Variants in INVS observed in about 807,000 individuals in gnomAD.
The protein encoded by INVS is inversin.
Under a neutral mutation model 108.8 loss-of-function variants are expected in INVS, and 86 were observed. The ratio of observed to expected loss-of-function variants is 0.79; its 90% CI spans 0.66 to 0.95. INVS has a LOEUF of 0.95. Ranked by LOEUF, INVS falls within the 40% of genes least tolerant of loss-of-function variation. The pLI is 0.00. For missense variants in INVS, 1,169 were observed against 1,297.4 expected, an observed-to-expected ratio of 0.90 and a Z score of 1.52; for synonymous variants, 455 against 473.5, an observed-to-expected ratio of 0.96 and a Z score of 0.51.
Position 100,252,453 on chromosome 9 carries a change from G to A in INVS, c.1234+15G>A. 6.2e-7 allele frequency: 1 copy of A among 1,611,100 alleles called. No homozygotes were observed. Among genetic ancestry groups the A allele is most frequent in the Non-Finnish European group, 8.5e-7 (1 of 1,177,376 alleles). ...ACTCATTAAAGGTGGGCTAATAAGAGTACTCCTAATAAGTCTCTCTTAACA... is the reference window on the plus strand; with the variant it reads ...ACTCATTAAAGGTGGGCTAATAAGAATACTCCTAATAAGTCTCTCTTAACA... On this transcript the variant is annotated intron_variant, in intron 9 of 16. Coordinates refer to ENST00000262457, the MANE Select transcript of INVS (RefSeq NM_014425.5).
chr9:100,169,298 A>T (rs1167861506), intron 3 of INVS, among the ~76,000 whole-genome samples: 1 of 152,168 alleles, frequency 6.6e-6, no homozygotes, highest in East Asian at 1.9e-4. Flanking sequence ...ATCATGTCCA[A>T]CTCAGTCCCA....
intron 4 of INVS, among the ~76,000 whole-genome samples, 153 bp from the exon 5 acceptor site, chr9:100,229,507 G>A (rs1588106111): frequency 6.6e-6 from 1 of 152,104 alleles, no homozygotes; most frequent in Non-Finnish European, 1.5e-5. Flanking sequence ...TTAGACTTCG[G>A]TTGAACACAG....
At chr9:100,133,764 TACACACACACACACAC>T (rs147744972) in intron 3 of INVS, among the ~76,000 whole-genome samples, 2 of 123,828 alleles carry the variant, frequency 1.6e-5, no homozygotes, top group East Asian at 3.3e-4. Context: ...CTGCCAAAGC[TACACACACACACACAC>T]ACACACACAC....
chr9:100,210,974 G>A (rs1483937941), intron 3 of INVS, among the ~76,000 whole-genome samples: 1 of 151,912 alleles, frequency 6.6e-6, no homozygotes, highest in East Asian at 1.9e-4. Context: ...GGTTCTCAAA[G>A]TTTAGGATTC....
intron 8 of INVS, among the ~76,000 whole-genome samples, chr9:100,251,167 T>C (rs1832222394): frequency 6.6e-6 from 1 of 151,026 alleles, no homozygotes; most frequent in African/African-American, 2.4e-5. Context: ...TGTTTTTGTT[T>C]TGTTTTGTTT....
intron 3 of INVS, among the ~76,000 whole-genome samples, chr9:100,154,799 C>T (rs571323003): frequency 6.6e-6 from 1 of 151,872 alleles, no homozygotes; most frequent in African/African-American, 2.4e-5. Context: ...AGACTCTTAC[C>T]TAAAGGGAGA....
At chr9:100,243,191 TG>T (rs1831934330) in intron 7 of INVS, among the ~76,000 whole-genome samples, 1 of 152,214 alleles carries the variant, frequency 6.6e-6, no homozygotes, top group African/African-American at 2.4e-5. Flanking sequence ...CACGTGTAAT[TG>T]TCCTTAAAGC....
chr9:100,124,243 A>G (rs1031522751), intron 2 of INVS, among the ~76,000 whole-genome samples: 1 of 151,298 alleles, frequency 6.6e-6, no homozygotes, highest in African/African-American at 2.4e-5. Flanking sequence ...TAGAATATGT[A>G]TACTTATTTT....
At chr9:100,257,167 C>A (rs1289273036) in intron 10 of INVS, among the ~76,000 whole-genome samples, 1 of 152,104 alleles carries the variant, frequency 6.6e-6, no homozygotes, top group Non-Finnish European at 1.5e-5. Context: ...TATATAATGG[C>A]CTTCTTTGTC....
intron 9 of INVS, among the ~76,000 whole-genome samples, 155 bp downstream of exon 9, chr9:100,252,593 C>T (rs1282097007): frequency 6.6e-6 from 1 of 152,200 alleles, no homozygotes; most frequent in Admixed American, 6.5e-5. Flanking sequence ...TCAAGTTCTA[C>T]TCCTAGCTCC....
At chr9:100,296,631 C>T (rs563138858) in intron 14 of INVS, among the ~76,000 whole-genome samples, 1 of 152,200 alleles carries the variant, frequency 6.6e-6, no homozygotes, top group Non-Finnish European at 1.5e-5. Context: ...TGCTCTTGCA[C>T]AGTACTCTCA....
At chr9:100,179,849 A>T (rs1292400686) in intron 3 of INVS, among the ~76,000 whole-genome samples, 1 of 152,232 alleles carries the variant, frequency 6.6e-6, no homozygotes, top group Non-Finnish European at 1.5e-5. Context: ...CATTCTTCTC[A>T]GTACCACATT....
chr9:100,148,516 A>C (rs960670852), intron 3 of INVS, among the ~76,000 whole-genome samples: 1 of 152,202 alleles, frequency 6.6e-6, no homozygotes, highest in South Asian at 2.1e-4. Flanking sequence ...TTTACAAAGG[A>C]TATAATGCCA....
intron 2 of INVS, among the ~76,000 whole-genome samples, chr9:100,110,400 C>A (rs1827306111): frequency 6.6e-6 from 1 of 152,158 alleles, no homozygotes; most frequent in Admixed American, 6.5e-5. Flanking sequence ...AGAGTCCATT[C>A]TTTTAACTGC....
chr9:100,170,301 A>G (rs949285139), intron 3 of INVS, among the ~76,000 whole-genome samples: 2 of 151,954 alleles, frequency 1.3e-5, no homozygotes, highest in Non-Finnish European at 2.9e-5. Context: ...TCACATCTAT[A>G]ATCCCAGCAC....
At chr9:100,178,685 G>T (rs187242421) in intron 3 of INVS, among the ~76,000 whole-genome samples, 1 of 152,168 alleles carries the variant, frequency 6.6e-6, no homozygotes, top group Non-Finnish European at 1.5e-5. Context: ...TGAAAGTGAC[G>T]GGGAGAATGG....
chr9:100,174,891 G>C (rs978611523), intron 3 of INVS, among the ~76,000 whole-genome samples: 1 of 152,156 alleles, frequency 6.6e-6, no homozygotes, highest in Non-Finnish European at 1.5e-5. Context: ...CAGCCTGGGC[G>C]ACAGAGTGAG....
intron 3 of INVS, among the ~76,000 whole-genome samples, chr9:100,169,421 G>A (rs561812542): frequency 2.6e-5 from 4 of 152,234 alleles, no homozygotes; most frequent in East Asian, 3.9e-4. Context: ...GAGTTAGCTC[G>A]TTCTCTAATC....
chr9:100,117,908 C>T (rs1827597239), intron 2 of INVS, among the ~76,000 whole-genome samples: 1 of 151,964 alleles, frequency 6.6e-6, no homozygotes, highest in Non-Finnish European at 1.5e-5. Context: ...AGCTCTCAAG[C>T]CCTCTTTTTC....
Sources: allele counts gnomAD v4.1 joint callset (sites outside exome capture counted in the v4.1 genomes callset), GRCh38; gene constraint gnomAD v4.1.1; transcripts MANE v1.5; gene names NCBI Gene and HGNC (gene_info 2026-07-23, HGNC 2026-07-21).